VDAC1: variants seen among roughly 807,000 people sequenced by gnomAD.
The protein encoded by VDAC1 is non-selective voltage-gated ion channel VDAC1.
Under a neutral mutation model 34.7 loss-of-function variants are expected in VDAC1, and 10 were observed. The observed-to-expected ratio is 0.29, with a 90% confidence interval of 0.18 to 0.49. VDAC1 has a LOEUF of 0.49. Ranked by LOEUF, VDAC1 falls within the 20% of genes least tolerant of loss-of-function variation. The pLI is 0.99. For synonymous variants in VDAC1, 130 were observed against 136.0 expected (o/e 0.96, Z 0.30); for missense variants, 230 against 347.9 (o/e 0.66, Z 2.69).
chr5:134,099,298 T>C, the VDAC1 span, among the ~76,000 whole-genome samples: 11 of 152,190 alleles, frequency 7.2e-5, no homozygotes, highest in Non-Finnish European at 1.3e-4. Flanking sequence ...ACTGCAGAAC[T>C]GCTCTTCAAT....
chr5:134,111,784 A>G, the VDAC1 span, among the ~76,000 whole-genome samples: 3 of 152,334 alleles, frequency 2.0e-5, no homozygotes, highest in Admixed American at 2.0e-4. Context: ...TTATAATGGA[A>G]CACTAGAGTG....
At chr5:134,069,250 G>A in the VDAC1 span, among the ~76,000 whole-genome samples, 1 of 152,116 alleles carries the variant, frequency 6.6e-6, no homozygotes, top group African/African-American at 2.4e-5. Flanking sequence ...TTTTTTTAGT[G>A]TTCTCTAAAC....
chr5:133,972,862 C>T lies in VDAC1; in HGVS notation c.761G>A (p.Gly254Asp). ...GLGYTQTLKP[G>D]IKLTLSALLD... ...AAGAGCTGACAGTGTCAGTTTAATA[C>T]CTGCAGGGAGAAAAATGAGGGAGAG... Residue 254 changes from glycine (G) to aspartate (D), a missense_variant and splice_region_variant, in exon 9 of 9, where the codon GGT becomes GAT. Coordinates refer to ENST00000265333, the MANE Select transcript of VDAC1 (RefSeq NM_003374.3). 2 of 1,612,170 alleles carry T rather than the reference C, an allele frequency of 1.2e-6. No individual in the cohort carries two copies. Among genetic ancestry groups the T allele is most frequent in the Non-Finnish European group, 8.5e-7 (1 of 1,179,100 alleles).
chr5:133,981,940 A>G lies in VDAC1; in HGVS notation c.324-984T>C, dbSNP rs546260646. Among the ~76,000 whole-genome samples, 3 of 152,330 alleles carry G rather than the reference A, an allele frequency of 2.0e-5. No homozygotes were observed. In the East Asian group the frequency reaches 5.8e-4, roughly 29 times the overall value. ...CACTTCTAGCTTTATTCACATTGAGATTAATGCTTCATCCTCAGCACCTAG... is the reference window on the plus strand; with the variant it reads ...CACTTCTAGCTTTATTCACATTGAGGTTAATGCTTCATCCTCAGCACCTAG... On this transcript the variant is annotated intron_variant, in intron 5 of 8. Transcript: ENST00000265333.
the VDAC1 span, among the ~76,000 whole-genome samples, chr5:134,053,046 T>TG: frequency 6.6e-6 from 1 of 151,594 alleles, no homozygotes; most frequent in African/African-American, 2.4e-5. Flanking sequence ...ACCCAGGAGG[T>TG]GGAGGTTGCG....
the VDAC1 span, among the ~76,000 whole-genome samples, chr5:134,061,757 T>A: frequency 6.6e-6 from 1 of 151,808 alleles, no homozygotes; most frequent in African/African-American, 2.4e-5. Flanking sequence ...TTCTTTGAAT[T>A]TCTTTTTCTC....
At chr5:134,056,184 T>A in the VDAC1 span, among the ~76,000 whole-genome samples, 1 of 145,576 alleles carries the variant, frequency 6.9e-6, no homozygotes, top group Non-Finnish European at 1.5e-5. Context: ...GAGGTTGCAG[T>A]GAGCCGATAT....
chr5:134,033,794 C>T, the VDAC1 span, among the ~76,000 whole-genome samples: 1 of 151,764 alleles, frequency 6.6e-6, no homozygotes, highest in African/African-American at 2.4e-5. Flanking sequence ...AGATCGAGAC[C>T]ATCCTGGCTA....
At chr5:133,980,649 A>AAC (rs1752653237) in intron 6 of VDAC1, 80 bp downstream of exon 6, 4 of 984,880 alleles carry the variant, frequency 4.1e-6, no homozygotes, top group Non-Finnish European at 5.7e-6. Flanking sequence ...AAAAAAAAAA[A>AAC]AAAACAGTGA....
At chr5:133,972,968 G>A (rs1161406392) in intron 8 of VDAC1, 106 bp from the exon 9 acceptor site, 8 of 892,470 alleles carry the variant, frequency 9.0e-6, no homozygotes, top group Middle Eastern at 2.2e-4. Flanking sequence ...TTATCAGCAG[G>A]GTCCAAACTA....
chr5:134,082,009 GC>G, the VDAC1 span: 4 of 163,694 alleles, frequency 2.4e-5, no homozygotes, highest in Non-Finnish European at 5.4e-5. Flanking sequence ...AACCATGTTG[GC>G]CAAAGTGAAT....
the VDAC1 span, among the ~76,000 whole-genome samples, chr5:134,072,182 T>A: frequency 1.3e-5 from 2 of 152,158 alleles, no homozygotes; most frequent in African/African-American, 4.8e-5. Flanking sequence ...ACAGGGACTG[T>A]TAGGCACCTA....
At chr5:134,084,873 CTGA>C in the VDAC1 span, among the ~76,000 whole-genome samples, 1 of 152,170 alleles carries the variant, frequency 6.6e-6, no homozygotes. Context: ...TGGCATTTTC[CTGA>C]TGAAGAAATT....
the VDAC1 span, among the ~76,000 whole-genome samples, chr5:134,055,588 GTTTTTTTTTTTTTTTT>G: frequency 3.4e-5 from 2 of 59,626 alleles, no homozygotes; most frequent in African/African-American, 1.4e-4. Flanking sequence ...CCCCGCTAAT[GTTTTTTTTTTTTTTTT>G]TTTTTTTTTT....
At chr5:134,046,540 T>A in the VDAC1 span, among the ~76,000 whole-genome samples, 2 of 152,154 alleles carry the variant, frequency 1.3e-5, no homozygotes, top group Non-Finnish European at 2.9e-5. Context: ...GGTAACAACA[T>A]ATTCACAGGT....
At chr5:134,065,789 A>AT in the VDAC1 span, among the ~76,000 whole-genome samples, 29,962 of 99,998 alleles carry the variant, frequency 0.3, 5,383 homozygotes, top group South Asian at 0.42. Flanking sequence ...CAGATAGTAA[A>AT]TTTTTTTTTT....
At chr5:133,994,596 AT>A (rs1277586405) in intron 1 of VDAC1, among the ~76,000 whole-genome samples, 1 of 152,226 alleles carries the variant, frequency 6.6e-6, no homozygotes, top group Middle Eastern at 3.4e-3. Context: ...CTGTAGGTGC[AT>A]CCCCCCGGGA....
Position 133,992,313 on chromosome 5 carries a change from T to G in VDAC1, c.110A>C (p.Asn37Thr). 1.3e-6 allele frequency: 2 copies of G among 1,581,958 alleles called. No individual in the cohort carries two copies. Among genetic ancestry groups the G allele is most frequent in the Non-Finnish European group, 1.7e-6 (2 of 1,165,700 alleles). Residue 37 changes from asparagine (N) to threonine (T), a missense_variant, in exon 3 of 9, where the codon AAT (asparagine) becomes ACT (threonine). Transcript: ENST00000265333. ...GTGGGTTGGACAACTTACCAATCCA[T>G]TCTCAGATTTTGTTTTCAAATCAAG... ...IKLDLKTKSE[N>T]GLEFTSSGSA... is the part of the protein sequence containing the mutation.
chr5:133,979,882 C>T (rs1202104214), intron 6 of VDAC1, among the ~76,000 whole-genome samples: 2 of 152,172 alleles, frequency 1.3e-5, no homozygotes, highest in Non-Finnish European at 2.9e-5. Context: ...CCCCTGCCAA[C>T]CACTAGATTG....
Sources: gnomAD v4.1 joint callset for allele counts (sites outside exome capture counted in the v4.1 genomes callset) on GRCh38, gnomAD v4.1.1 for gene constraint, MANE v1.5 for transcripts, NCBI Gene and HGNC (gene_info 2026-07-23, HGNC 2026-07-21) for gene names.